Variants in CAMK2G observed in about 807,000 individuals in gnomAD.
The protein encoded by CAMK2G is calcium/calmodulin-dependent protein kinase type II subunit gamma.
In CAMK2G, 23 loss-of-function variants were observed where a neutral mutation model predicts 88.7. The ratio of observed to expected loss-of-function variants is 0.26; its 90% CI spans 0.19 to 0.37. CAMK2G has a LOEUF of 0.37. Among genes scored for constraint, CAMK2G ranks in the 10% least tolerant of loss-of-function variants. CAMK2G has a pLI of 1.00. For missense variants in CAMK2G, 476 were observed against 780.8 expected (o/e 0.61, Z 4.65); for synonymous variants, 263 against 294.8 (o/e 0.89, Z 1.11).
In CAMK2G at chr10:73,849,272, T is replaced by C. The variant is rs2094462558; in HGVS notation, c.403A>G (p.Arg135Gly). The change falls in exon 6 of 23, where the codon AGG (arginine) becomes GGG (glycine). Residue 135 changes from arginine (R) to glycine (G), a missense_variant. Coordinates refer to ENST00000423381, the MANE Select transcript of CAMK2G (RefSeq NM_001367534.1). ...NHIHQHDIVH[R>G]DLKPENLLLA... is the part of the protein sequence containing the mutation. ...AGCCTGGGTAGTACCTTCAGGTCCCTGTGGACGATGTCATGCTGGTGGATG... is the reference window on the plus strand; with the variant it reads ...AGCCTGGGTAGTACCTTCAGGTCCCCGTGGACGATGTCATGCTGGTGGATG... 1.9e-6 allele frequency: 3 copies of C among 1,613,190 alleles called. No individual in the cohort carries two copies. The highest frequency in any genetic ancestry group is 2.5e-6 in the Non-Finnish European group (3 of 1,179,322).
chr10:73,845,904 CTT>C (rs775000753), intron 10 of CAMK2G, among the ~76,000 whole-genome samples: 145 of 135,754 alleles, frequency 1.1e-3, no homozygotes, highest in Middle Eastern at 3.9e-3. Context: ...CAATTCCCTT[CTT>C]TTTTTTTTTT....
At chr10:73,869,553 A>G (rs1157505650) in intron 2 of CAMK2G, among the ~76,000 whole-genome samples, 1 of 152,230 alleles carries the variant, frequency 6.6e-6, no homozygotes, top group Non-Finnish European at 1.5e-5. Flanking sequence ...TAGGAGCCAA[A>G]GCCAAAAGGC....
intron 14 of CAMK2G, among the ~76,000 whole-genome samples, chr10:73,834,511 A>G (rs987435180): frequency 2.8e-4 from 42 of 152,126 alleles, no homozygotes; most frequent in East Asian, 1.5e-3. Flanking sequence ...CCTCATCCTC[A>G]GGGTTCCTGG....
rs1378682945 is a variant in CAMK2G at position 73,826,364 on chromosome 10, C to T, written c.1087-1017G>A. 2.0e-5 allele frequency among the ~76,000 whole-genome samples: 3 copies of T among 152,298 alleles called. No individual in the cohort carries two copies. In the East Asian group the frequency reaches 5.8e-4, roughly 29 times the overall value. ...AAGAGAATTGCTTGAACCTGGGAGG[C>T]AGAGATTGCAGTGAGCCAAGATTGC... On this transcript the variant is annotated intron_variant, in intron 15 of 22. Coordinates refer to ENST00000423381, the MANE Select transcript of CAMK2G (RefSeq NM_001367534.1).
chr10:73,870,228 C>T (rs1169004877), intron 2 of CAMK2G, among the ~76,000 whole-genome samples: 1 of 152,212 alleles, frequency 6.6e-6, no homozygotes, highest in Non-Finnish European at 1.5e-5. Flanking sequence ...TTTTAAATGC[C>T]TCCTTCGGCC....
Position 73,817,006 on chromosome 10 carries a change from A to G in CAMK2G, c.1534+17T>C. 6.2e-7 allele frequency: 1 copy of G among 1,614,142 alleles called. No individual in the cohort carries two copies. Among genetic ancestry groups the G allele is most frequent in the Non-Finnish European group, 8.5e-7 (1 of 1,179,982 alleles). The stretch of plus-strand genomic sequence containing the variant: ...AAGGGGCAGGCAGGAGTATATCAGC[A>G]GCACGAACCCACTCACGATTCTCAA... On this transcript the variant is annotated intron_variant, in intron 21 of 22. Transcript: ENST00000423381.
chr10:73,838,541 CGTT>C (rs1284577411), intron 13 of CAMK2G, among the ~76,000 whole-genome samples: 5 of 152,292 alleles, frequency 3.3e-5, no homozygotes, highest in African/African-American at 7.2e-5. Flanking sequence ...TGTCCACCAT[CGTT>C]GTCACTATTG....
In CAMK2G at chr10:73,815,303, C is replaced by T. The variant is rs2085021529; in HGVS notation, c.1535-56G>A. 4 of 1,143,044 alleles carry T rather than the reference C, an allele frequency of 3.5e-6. No homozygotes were observed. The South Asian group carries it at 5.3e-5, about 15-fold the overall frequency. The allele number at this position is 1,143,044 out of a possible 1,614,324, so 70.8% of individuals were successfully genotyped here. A position where few individuals can be genotyped will look rare whatever the true frequency, so the allele number is the denominator to read the frequency against. The stretch of plus-strand genomic sequence containing the variant: ...CATCAGGCCTGGGCACCTGCATTTT[C>T]CTCCCAGCCTGCACTTCCAAGTCTT... On this transcript the variant is annotated intron_variant, in intron 21 of 22. Transcript: ENST00000423381.
At position 73,848,049 on chromosome 10, in the gene CAMK2G, G is replaced by A. The variant is rs2094373631; in HGVS notation, c.635C>T (p.Pro212Leu). 1 of 1,611,706 alleles carries A rather than the reference G, an allele frequency of 6.2e-7. No homozygotes were observed. Among genetic ancestry groups the A allele is most frequent in the Non-Finnish European group, 8.5e-7 (1 of 1,177,822 alleles). Residue 212 changes from proline (P) to leucine (L), a missense_variant, in exon 9 of 23, where the codon CCT (proline) becomes CTT (leucine). By Grantham distance (98) the Pro-to-Leu change is moderately conservative (BLOSUM62 -3). Around this residue, in one of 3 missense-constraint regions of CAMK2G, gnomAD observed 164 missense variants for 385.6 expected, o/e 0.43. Coordinates refer to ENST00000423381, the MANE Select transcript of CAMK2G (RefSeq NM_001367534.1). The surrounding 1 kb of genome is among the most constrained non-coding windows in gnomAD (Gnocchi z 4.5). ...VILYILLVGYPPFWDEDQHKL... is the reference protein window; with the variant it reads ...VILYILLVGYLPFWDEDQHKL... Reference sequence around the variant, plus strand: ...GTGCTGATCCTCATCCCAGAAGGGAGGATAGCCCACCAGGAGGATATACAG... The same window carrying A: ...GTGCTGATCCTCATCCCAGAAGGGAAGATAGCCCACCAGGAGGATATACAG...
intron 21 of CAMK2G, chr10:73,816,495 C>T: frequency 1.9e-6 from 2 of 1,050,188 alleles, no homozygotes; most frequent in South Asian, 2.1e-5. Flanking sequence ...GAGTCTTGCT[C>T]TGTTGCCCAG....
chr10:73,832,967 C>T (rs200789537), intron 14 of CAMK2G, among the ~76,000 whole-genome samples: 1 of 96,242 alleles, frequency 1.0e-5, no homozygotes. Flanking sequence ...TCTTCTCTCT[C>T]TTTTTTTTTT....
At chr10:73,857,461 A>T (rs1258745563) in intron 3 of CAMK2G, among the ~76,000 whole-genome samples, 1 of 152,188 alleles carries the variant, frequency 6.6e-6, no homozygotes, top group Non-Finnish European at 1.5e-5. Flanking sequence ...GAAGCCGCAA[A>T]ACTTGGCTTC....
At chr10:73,854,254 C>A (rs762977904) in intron 3 of CAMK2G, among the ~76,000 whole-genome samples, 1 of 152,188 alleles carries the variant, frequency 6.6e-6, no homozygotes, top group Non-Finnish European at 1.5e-5. Flanking sequence ...AAGACTCGGG[C>A]GATGCACCAG....
chr10:73,818,693 G>A, intron 19 of CAMK2G: 1 of 455,076 alleles, frequency 2.2e-6, no homozygotes, highest in Non-Finnish European at 4.4e-6. Flanking sequence ...AGCAGGTTAA[G>A]GGAAGCAAGG....
intron 10 of CAMK2G, among the ~76,000 whole-genome samples, chr10:73,844,221 G>A (rs956733818): frequency 2.7e-5 from 4 of 150,684 alleles, no homozygotes; most frequent in African/African-American, 4.9e-5. Flanking sequence ...AGCCTCCCAA[G>A]TAGCTAAGGC....
chr10:73,853,061 A>G (rs2094754769), intron 4 of CAMK2G, 131 bp downstream of exon 4: 3 of 830,836 alleles, frequency 3.6e-6, no homozygotes, highest in African/African-American at 3.4e-5. Context: ...TGCCCCAGTC[A>G]AATCCTTTCC....
chr10:73,870,822 C>A (rs201665909), intron 2 of CAMK2G, among the ~76,000 whole-genome samples: 2 of 152,108 alleles, frequency 1.3e-5, no homozygotes, highest in East Asian at 3.8e-4. Flanking sequence ...AAGCCATGGC[C>A]CTCACTCCCT....
chr10:73,812,973 AAACCTGT>A lies in CAMK2G; in HGVS notation c.*1538_*1544del. ...CTCTCTTCTCAGCTGGCTCCCAAGT[AAACCTGT>A]AGCTTTGCCTCTTCTCCCAGCTCTC... On this transcript the variant is annotated 3_prime_UTR_variant, in exon 23 of 23. Transcript: ENST00000423381. 6.5e-6 allele frequency: 1 copy of A among 152,848 alleles called. No homozygotes were observed. The highest frequency in any genetic ancestry group is 1.9e-4 in the East Asian group (1 of 5,186). 9.5% of individuals were successfully genotyped at this position (152,848 alleles called of 1,614,324 possible). A position where few individuals can be genotyped will look rare whatever the true frequency, so the allele number is the denominator to read the frequency against.
chr10:73,817,030 A>G lies in CAMK2G; in HGVS notation c.1527T>C (p.Phe509=), dbSNP rs987308876. The change falls in exon 21 of 23, where the codon TTT becomes TTC. Residue 509 remains phenylalanine, a synonymous_variant. Coordinates refer to ENST00000423381, the MANE Select transcript of CAMK2G (RefSeq NM_001367534.1). The stretch of plus-strand genomic sequence containing the variant: ...CAGCACGAACCCACTCACGATTCTC[A>G]AAGTAAAACTTATGGAAATCCATCC... The part of the protein sequence containing the change: ...VEGMDFHKFY[F]ENLLSKNSKP... 2 of 1,614,076 alleles carry G rather than the reference A, an allele frequency of 1.2e-6. No homozygotes were observed. The highest frequency in any genetic ancestry group is 2.7e-5 in the African/African-American group (2 of 74,930).
Sources: allele counts gnomAD v4.1 joint callset (sites outside exome capture counted in the v4.1 genomes callset), GRCh38; gene constraint gnomAD v4.1.1; regional missense constraint gnomAD v4.1.1; non-coding constraint Gnocchi (gnomAD v3.1); transcripts MANE v1.5; gene names NCBI Gene and HGNC (gene_info 2026-07-23, HGNC 2026-07-21).